The following IFT122 variants were observed in gnomAD, a reference collection of about 807,000 sequenced individuals.
The protein encoded by IFT122 is intraflagellar transport protein 122 homolog.
IFT122 carries 118 observed loss-of-function variants against 161.6 expected under a neutral mutation model. The observed-to-expected ratio is 0.73, with a 90% CI of 0.63 to 0.85. The LOEUF is 0.85. Among genes scored for constraint, IFT122 ranks in the 40% least tolerant of loss-of-function variants. The pLI is 0.00. For missense variants in IFT122, 1,381 were observed against 1,579.6 expected (o/e 0.87, Z 2.13); for synonymous variants, 550 against 602.4 (o/e 0.91, Z 1.27).
At chr3:129,490,245 T>C (rs1197799054) in intron 16 of IFT122, among the ~76,000 whole-genome samples, 1 of 152,202 alleles carries the variant, frequency 6.6e-6, no homozygotes, top group Non-Finnish European at 1.5e-5. Flanking sequence ...CCACATGATA[T>C]TGAAGATAGG....
intron 18 of IFT122, among the ~76,000 whole-genome samples, chr3:129,499,347 C>T (rs2081262031): frequency 1.3e-5 from 2 of 152,192 alleles, no homozygotes; most frequent in South Asian, 2.1e-4. Context: ...ATGGAGGGCA[C>T]GGAGGGCCGG....
rs182720847 is a variant in IFT122, at chr3:129,468,107, C to G, written c.740+1041C>G. Among the ~76,000 whole-genome samples, 4 of 152,336 alleles carry G rather than the reference C, an allele frequency of 2.6e-5. No individual in the cohort carries two copies. In the East Asian group the frequency reaches 7.7e-4, roughly 29 times the overall value. On this transcript the variant is annotated intron_variant, in intron 8 of 29. Coordinates refer to ENST00000348417, the MANE Select transcript of IFT122 (RefSeq NM_052989.3). ...GTGCCAGTCACACAAAGGTCATCTGCAGGCTCCCTCATTAACATCCCTCTC... is the reference window on the plus strand; with the variant it reads ...GTGCCAGTCACACAAAGGTCATCTGGAGGCTCCCTCATTAACATCCCTCTC...
chr3:129,481,290 C>G (rs2078609999), intron 13 of IFT122: 7 of 495,588 alleles, frequency 1.4e-5, no homozygotes, highest in South Asian at 7.9e-5. Flanking sequence ...TGAGCTCGGC[C>G]TGTCTCAGGG....
intron 11 of IFT122, 110 bp from the exon 12 acceptor site, chr3:129,477,906 A>G (rs763353659): frequency 1.2e-4 from 104 of 860,074 alleles, no homozygotes; most frequent in Non-Finnish European, 1.5e-4. Flanking sequence ...CAATGAGAGT[A>G]TCTCACTTTA....
intron 23 of IFT122, 33 bp downstream of exon 23, chr3:129,507,795 A>C: frequency 6.6e-7 from 1 of 1,526,326 alleles, no homozygotes; most frequent in Non-Finnish European, 9.1e-7. Context: ...ACCTGAGGGT[A>C]CCATCTCCTG....
At chr3:129,449,518 G>A (rs548972369) in intron 1 of IFT122, among the ~76,000 whole-genome samples, 38 of 152,334 alleles carry the variant, frequency 2.5e-4, no homozygotes, top group Middle Eastern at 3.4e-3. Flanking sequence ...GACTCAGTAA[G>A]TATCTGTGGA....
rs1490372772 is a variant in IFT122 at position 129,446,325 on chromosome 3, C to T, written c.42-3546C>T. On this transcript the variant is annotated intron_variant, in intron 1 of 29. Coordinates refer to ENST00000348417, the MANE Select transcript of IFT122 (RefSeq NM_052989.3). Reference sequence around the variant, plus strand: ...CTGCAAGCTCCACCTTCCGGGTTCACGCCATTCTCCTGCCTCATCCTCCCG... The same window carrying T: ...CTGCAAGCTCCACCTTCCGGGTTCATGCCATTCTCCTGCCTCATCCTCCCG... Among the ~76,000 whole-genome samples the T allele has an allele frequency of 5.3e-5, 8 of 151,858 alleles. No homozygotes were observed. The South Asian group carries it at 1.3e-3, about 24-fold the overall frequency.
At chr3:129,490,461 C>T (rs1299432550) in intron 16 of IFT122, among the ~76,000 whole-genome samples, 2 of 152,220 alleles carry the variant, frequency 1.3e-5, no homozygotes, top group East Asian at 3.8e-4. Context: ...CTGCTGAGCT[C>T]ATTCAGGGGC....
intron 4 of IFT122, 59 bp from the exon 5 acceptor site, chr3:129,461,169 G>C: frequency 7.4e-7 from 1 of 1,359,292 alleles, no homozygotes; most frequent in Non-Finnish European, 1.1e-6. Flanking sequence ...ATCTTCAGTT[G>C]TAGCCACTGA....
chr3:129,480,443 G>T (rs1336762867), intron 13 of IFT122, among the ~76,000 whole-genome samples: 1 of 152,222 alleles, frequency 6.6e-6, no homozygotes, highest in Non-Finnish European at 1.5e-5. Context: ...ATGTGTACAC[G>T]TGTGTTCTTT....
At chr3:129,488,975 G>A (rs1030953411) in intron 16 of IFT122, among the ~76,000 whole-genome samples, 4 of 152,012 alleles carry the variant, frequency 2.6e-5, no homozygotes, top group Non-Finnish European at 5.9e-5. Flanking sequence ...CTAGAGAGAT[G>A]GCTGAAAACA....
chr3:129,511,761 C>T (rs73865466), intron 23 of IFT122, among the ~76,000 whole-genome samples: 5,766 of 152,212 alleles, frequency 0.038, 380 homozygotes, highest in African/African-American at 0.13. Flanking sequence ...CATGTGTGCT[C>T]GTTTGGTGGC....
chr3:129,493,347 C>T (rs1298743482), intron 17 of IFT122, among the ~76,000 whole-genome samples: 2 of 152,202 alleles, frequency 1.3e-5, no homozygotes, highest in African/African-American at 4.8e-5. Flanking sequence ...GCTCAGTGGG[C>T]ACAGAGCTGA....
chr3:129,512,570 G>A (rs555501079), intron 24 of IFT122, 158 bp downstream of exon 24: 2 of 694,994 alleles, frequency 2.9e-6, no homozygotes, highest in Non-Finnish European at 5.2e-6. Context: ...GGCTATAGAG[G>A]CTCAGCAGGG....
At chr3:129,514,730 T>A in intron 25 of IFT122, 176 bp downstream of exon 25, 1 of 761,048 alleles carries the variant, frequency 1.3e-6, no homozygotes, top group Non-Finnish European at 2.2e-6. Flanking sequence ...GTCCACCTCC[T>A]GTTCTCCCCG....
At chr3:129,472,773 C>T (rs1168127467) in intron 9 of IFT122, among the ~76,000 whole-genome samples, 3 of 151,640 alleles carry the variant, frequency 2.0e-5, no homozygotes, top group African/African-American at 7.3e-5. Flanking sequence ...TTTTTAAATC[C>T]CTTCTTTTCC....
rs1249264608 is a variant in IFT122, at chr3:129,500,082, C to T, written c.2375+14C>T. 1 of 1,614,024 alleles carries T rather than the reference C, an allele frequency of 6.2e-7. No homozygotes were observed. The highest frequency in any genetic ancestry group is 2.2e-5 in the East Asian group (1 of 44,882). ...CTGGGTTGACATGTAGGTTTTGGTC[C>T]CTGCCCCGAGAAGCATTTGGCAGCA... On this transcript the variant is annotated intron_variant, in intron 19 of 29. Transcript: ENST00000348417.
At chr3:129,515,464 C>T (rs543984148) in intron 25 of IFT122, 24 bp from the exon 26 acceptor site, 21 of 1,137,230 alleles carry the variant, frequency 1.8e-5, no homozygotes, top group East Asian at 1.8e-4. Context: ...CCCGGCCCCT[C>T]GGGAGTCCGT....
At chr3:129,476,940 G>GTTTTTTTTTTTTTTT (rs201252917) in intron 11 of IFT122, 139 bp downstream of exon 11, 2 of 685,042 alleles carry the variant, frequency 2.9e-6, no homozygotes, top group South Asian at 2.4e-5. Flanking sequence ...TCTGTGTCTT[G>GTTTTTTTTTTTTTTT]TTTTCTTTTT....
Sources: allele counts gnomAD v4.1 joint callset (sites outside exome capture counted in the v4.1 genomes callset), GRCh38; gene constraint gnomAD v4.1.1; transcripts MANE v1.5; gene names NCBI Gene and HGNC (gene_info 2026-07-23, HGNC 2026-07-21).